Variants in DCDC1 observed in about 807,000 individuals in gnomAD.
DCDC1 encodes doublecortin domain-containing protein 1.
In DCDC1, 200 loss-of-function variants were observed where a neutral mutation model predicts 178.3. The observed-to-expected ratio is 1.12, with a 90% CI of 1.00 to 1.26. The LOEUF (loss-of-function observed/expected upper bound fraction) is 1.26, where lower values mean the gene tolerates loss of function less well. Among genes scored for constraint, DCDC1 ranks in the 50% most tolerant of loss-of-function variants. The probability of loss-of-function intolerance (pLI) is 0.00; values close to 1 mark genes in which losing one functional copy is unlikely to be tolerated. For synonymous variants in DCDC1, 690 were observed against 604.8 expected, an observed-to-expected ratio of 1.14 and a Z score of -2.07; for missense variants, 1,983 against 1,749.2, an observed-to-expected ratio of 1.13 and a Z score of -2.38.
At chr11:31,201,550 A>G (rs1424573499) in intron 9 of DCDC1, among the ~76,000 whole-genome samples, 3 of 151,966 alleles carry the variant, frequency 2.0e-5, no homozygotes, top group Non-Finnish European at 4.4e-5. Context: ...GACATGTGTC[A>G]TTTTCACCCA....
chr11:31,186,129 T>A (rs1969450049), intron 9 of DCDC1, among the ~76,000 whole-genome samples: 2 of 152,106 alleles, frequency 1.3e-5, no homozygotes, highest in African/African-American at 4.8e-5. Context: ...GGCTTTCCAC[T>A]ACACTTACAA....
intron 9 of DCDC1, among the ~76,000 whole-genome samples, chr11:31,213,511 G>C (rs1246650153): frequency 6.6e-6 from 1 of 151,928 alleles, no homozygotes; most frequent in African/African-American, 2.4e-5. Flanking sequence ...CACAAGGTCA[G>C]GAGTTTGAGA....
At chr11:30,884,745 T>C (rs1565024303) in intron 36 of DCDC1, among the ~76,000 whole-genome samples, 1 of 151,958 alleles carries the variant, frequency 6.6e-6, no homozygotes, top group Non-Finnish European at 1.5e-5. Flanking sequence ...AAAAAAAGTA[T>C]ACATAAGTCT....
At chr11:31,208,741 C>T (rs1391811954) in intron 9 of DCDC1, among the ~76,000 whole-genome samples, 1 of 152,326 alleles carries the variant, frequency 6.6e-6, no homozygotes, top group South Asian at 2.1e-4. Flanking sequence ...CTCTGTCCTA[C>T]ACCAGGGCCT....
chr11:30,881,216 G>T lies in DCDC1; in HGVS notation c.5175C>A (p.Asp1725Glu). ...CACAGATGACCATATCTCGCTCTAT[G>T]TCGTCCCAGGACTGAATTGGCTCTC... ...PSGEPIQSWD[D>E]IERDMVICVS... is the part of the protein sequence containing the mutation. Residue 1725 changes from aspartate (D) to glutamate (E), a missense_variant, in exon 37 of 39, where the codon GAC becomes GAA. By Grantham distance (45) the Asp-to-Glu change is conservative. Coordinates refer to ENST00000684477, the MANE Select transcript of DCDC1 (RefSeq NM_001387274.1). 1 of 1,613,570 alleles carries T rather than the reference G, an allele frequency of 6.2e-7. No homozygotes were observed. The highest frequency in any genetic ancestry group is 8.5e-7 in the Non-Finnish European group (1 of 1,179,628).
intron 10 of DCDC1, among the ~76,000 whole-genome samples, chr11:31,134,385 A>G (rs1000834279): frequency 6.6e-6 from 1 of 152,222 alleles, no homozygotes; most frequent in Admixed American, 6.5e-5. Context: ...AGGCAGGTCT[A>G]TCCCTGAGAG....
intron 33 of DCDC1, 150 bp from the exon 34 acceptor site, chr11:30,899,792 G>A (rs1014780094): frequency 1.8e-6 from 1 of 556,652 alleles, no homozygotes; most frequent in Non-Finnish European, 2.9e-6. Context: ...TCATTTGAAA[G>A]ATGACAGGGC....
chr11:30,904,978 C>G lies in DCDC1; in HGVS notation c.4291G>C (p.Ala1431Pro). The G allele has an allele frequency of 6.2e-7, 1 of 1,613,728 alleles. No individual in the cohort carries two copies. Among genetic ancestry groups the G allele is most frequent in the Non-Finnish European group, 8.5e-7 (1 of 1,179,704 alleles). The change falls in exon 31 of 39, where the codon GCT becomes CCT. Residue 1431 changes from alanine (A) to proline (P), a missense_variant. Ala to Pro is a conservative substitution (Grantham distance 27, BLOSUM62 -1). Coordinates refer to ENST00000684477, the MANE Select transcript of DCDC1 (RefSeq NM_001387274.1). ...CCACTTACCATGGGGAATGTTCCAG[C>G]CACAATTAACTTCCCATTACGATAC... ...DGYRNGKLIVAGTFPMLLTEC... is the reference protein window; with the variant it reads ...DGYRNGKLIVPGTFPMLLTEC...
At chr11:31,290,910 C>T (rs1947182997) in intron 6 of DCDC1, 58 bp from the exon 7 acceptor site, 11 of 1,464,616 alleles carry the variant, frequency 7.5e-6, no homozygotes, top group African/African-American at 1.4e-5. Context: ...AAAATGGACA[C>T]ATCATACTTC....
chr11:30,967,927 G>T (rs1949537607), intron 20 of DCDC1, among the ~76,000 whole-genome samples: 1 of 152,050 alleles, frequency 6.6e-6, no homozygotes, highest in Admixed American at 6.6e-5. Flanking sequence ...AAAATGATGA[G>T]GTATGAGAGC....
chr11:31,306,203 A>G, intron 5 of DCDC1, 29 bp downstream of exon 5: 3 of 1,439,702 alleles, frequency 2.1e-6, no homozygotes, highest in Non-Finnish European at 2.7e-6. Flanking sequence ...AAAAAAATAA[A>G]GCACAGAAAA....
intron 3 of DCDC1, among the ~76,000 whole-genome samples, chr11:31,315,431 G>C (rs1339569541): frequency 7.0e-6 from 1 of 142,576 alleles, no homozygotes. Flanking sequence ...CCACCTCCCA[G>C]GTTCACGCCA....
intron 9 of DCDC1, among the ~76,000 whole-genome samples, chr11:31,205,226 T>C (rs1971731054): frequency 6.6e-6 from 1 of 152,116 alleles, no homozygotes; most frequent in African/African-American, 2.4e-5. Context: ...ATAAATAAAG[T>C]TTTATTTACG....
intron 38 of DCDC1, among the ~76,000 whole-genome samples, chr11:30,876,741 G>A (rs1367709093): frequency 2.6e-5 from 4 of 152,050 alleles, no homozygotes; most frequent in African/African-American, 9.7e-5. Flanking sequence ...CTTTTCCCTG[G>A]CAGGAAAGTG....
chr11:31,288,256 C>T (rs1280189071), intron 7 of DCDC1, among the ~76,000 whole-genome samples: 3 of 151,960 alleles, frequency 2.0e-5, no homozygotes, highest in African/African-American at 7.2e-5. Flanking sequence ...TTTCTTAATA[C>T]CTTTTTCAAA....
intron 20 of DCDC1, among the ~76,000 whole-genome samples, chr11:31,036,998 T>C (rs577795436): frequency 6.6e-6 from 1 of 152,314 alleles, no homozygotes; most frequent in Non-Finnish European, 1.5e-5. Flanking sequence ...CCCAAGGTCA[T>C]ATAACTCCTA....
chr11:31,177,082 A>T lies in DCDC1; in HGVS notation c.1222-39298T>A, dbSNP rs186890907. 5.9e-3 allele frequency among the ~76,000 whole-genome samples: 905 copies of T among 152,286 alleles called. 7 individuals are homozygous for T. The highest frequency in any genetic ancestry group is 0.021 in the African/African-American group (864 of 41,576). ...GTTTAAAGTCAAAATGGTCAAAAAT[A>T]ATAACAGCTACAATTAATGGCTCAG... On this transcript the variant is annotated intron_variant, in intron 9 of 38. Coordinates refer to ENST00000684477, the MANE Select transcript of DCDC1 (RefSeq NM_001387274.1).
rs191536439 is a variant in DCDC1 at position 31,183,815 on chromosome 11, T to C, written c.1222-46031A>G. ...TGGATGCTCAAGGAAAAACATTCCA[T>C]GTTCATGGATAGGAAGAATCAATAT... is the stretch of plus-strand genomic sequence containing the variant. On this transcript the variant is annotated intron_variant, in intron 9 of 38. Transcript: ENST00000684477. Among the ~76,000 whole-genome samples, 97 of 152,342 alleles carry C rather than the reference T, an allele frequency of 6.4e-4. 1 individual carries two copies. Among genetic ancestry groups the C allele is most frequent in the African/African-American group, 2.0e-3 (82 of 41,576 alleles).
chr11:30,915,467 C>T, intron 27 of DCDC1, 44 bp downstream of exon 27: 2 of 1,603,234 alleles, frequency 1.2e-6, no homozygotes, highest in Non-Finnish European at 1.7e-6. Context: ...TATTAGGATC[C>T]TATTCACCTT....
Sources: allele counts gnomAD v4.1 joint callset (sites outside exome capture counted in the v4.1 genomes callset), GRCh38; gene constraint gnomAD v4.1.1; transcripts MANE v1.5; gene names NCBI Gene and HGNC (gene_info 2026-07-23, HGNC 2026-07-21).